Variants in IL1RAPL2 observed in about 807,000 individuals in gnomAD.
IL1RAPL2 encodes the protein interleukin 1 receptor accessory protein like 2, also known as X-linked interleukin-1 receptor accessory protein-like 2.
In IL1RAPL2, 3 loss-of-function variants were observed where a neutral mutation model predicts 44.1. That is an observed-to-expected ratio of 0.07 (90% CI 0.03 to 0.18). The LOEUF is 0.18. IL1RAPL2 is among the 10% of genes least tolerant of loss of function. The pLI is 1.00. For missense variants in IL1RAPL2, 391 were observed against 496.4 expected, an observed-to-expected ratio of 0.79 and a Z score of 2.02; for synonymous variants, 181 against 178.8, an observed-to-expected ratio of 1.01 and a Z score of -0.10.
At chrX:104,748,394 A>G (rs1178863659) in intron 2 of IL1RAPL2, among the ~76,000 whole-genome samples, 1 of 112,066 alleles carries the variant, frequency 8.9e-6, no homozygotes, top group Non-Finnish European at 1.9e-5. Flanking sequence ...TATTTGTGTG[A>G]CAATTCTAAA....
chrX:105,500,867 T>C (rs570443701), intron 6 of IL1RAPL2, among the ~76,000 whole-genome samples: 1 of 111,786 alleles, frequency 8.9e-6, no homozygotes, highest in African/African-American at 3.3e-5. Flanking sequence ...TATACACCAA[T>C]GTTGAGTTTA....
chrX:105,262,344 T>C, intron 4 of IL1RAPL2, among the ~76,000 whole-genome samples: 1 of 112,072 alleles, frequency 8.9e-6, no homozygotes, highest in South Asian at 3.7e-4. Context: ...TCTAGACTGC[T>C]ATAGAAAATT....
chrX:104,966,035 C>T (rs1024687345), intron 2 of IL1RAPL2, among the ~76,000 whole-genome samples: 3 of 111,197 alleles, frequency 2.7e-5, no homozygotes, highest in African/African-American at 9.8e-5. Context: ...AAAGACATAG[C>T]TTCAGAGTCA....
chrX:105,665,726 G>GTTTTTTTTTTTTTTTTTTT (rs745949698), intron 6 of IL1RAPL2, among the ~76,000 whole-genome samples: 1 of 75,211 alleles, frequency 1.3e-5, no homozygotes, highest in African/African-American at 5.2e-5. Context: ...TTTTATTTTT[G>GTTTTTTTTTTTTTTTTTTT]TTTTTTTGTT....
chrX:105,364,755 T>C, intron 5 of IL1RAPL2, among the ~76,000 whole-genome samples: 1 of 111,524 alleles, frequency 9.0e-6, no homozygotes, highest in Non-Finnish European at 1.9e-5. Context: ...GATTTGGTTA[T>C]ATGCAACTTT....
intron 6 of IL1RAPL2, among the ~76,000 whole-genome samples, chrX:105,538,076 G>A (rs1395553415): frequency 2.4e-5 from 2 of 84,951 alleles, no homozygotes; most frequent in Non-Finnish European, 4.2e-5. Context: ...TGGCTCTGTC[G>A]CCCAGGCTGG....
intron 10 of IL1RAPL2, 56 bp from the exon 11 acceptor site, chrX:105,766,908 C>G: frequency 1.1e-6 from 1 of 889,565 alleles, no homozygotes; most frequent in Non-Finnish European, 1.6e-6. Flanking sequence ...AAACCTGATG[C>G]TTTAGAGACT....
At chrX:105,404,543 G>C (rs935121803) in intron 5 of IL1RAPL2, among the ~76,000 whole-genome samples, 1 of 110,534 alleles carries the variant, frequency 9.0e-6, no homozygotes, top group African/African-American at 3.3e-5. Context: ...TTCCTATTCT[G>C]TTCAGGGACA....
intron 2 of IL1RAPL2, among the ~76,000 whole-genome samples, chrX:105,009,516 A>G (rs1215521440): frequency 9.9e-6 from 1 of 101,371 alleles, no homozygotes; most frequent in Non-Finnish European, 2.0e-5. Context: ...ACCAAACACC[A>G]CATGTTGTCA....
chrX:105,541,385 G>A (rs1202297924), intron 6 of IL1RAPL2, among the ~76,000 whole-genome samples: 1 of 111,090 alleles, frequency 9.0e-6, no homozygotes, highest in African/African-American at 3.3e-5. Context: ...AGAGTAAGTG[G>A]AAAAGTACAG....
chrX:104,783,537 G>A (rs1602725593), intron 2 of IL1RAPL2, among the ~76,000 whole-genome samples: 1 of 110,387 alleles, frequency 9.1e-6, no homozygotes, highest in Non-Finnish European at 1.9e-5. Flanking sequence ...CTTTTTAATT[G>A]GCAATGATCT....
intron 6 of IL1RAPL2, among the ~76,000 whole-genome samples, chrX:105,559,656 G>A (rs1007904888): frequency 8.9e-6 from 1 of 111,912 alleles, no homozygotes; most frequent in Non-Finnish European, 1.9e-5. Context: ...GAAGACACTT[G>A]AAACTATCAC....
At chrX:104,762,735 G>T (rs73243902) in intron 2 of IL1RAPL2, among the ~76,000 whole-genome samples, 125 of 112,038 alleles carry the variant, frequency 1.1e-3, no homozygotes, top group Non-Finnish European at 2.0e-3. Flanking sequence ...CCTGATTTCT[G>T]GTCAAGAAGG....
intron 1 of IL1RAPL2, among the ~76,000 whole-genome samples, chrX:104,628,590 G>C (rs1032706520): frequency 8.9e-6 from 1 of 111,870 alleles, no homozygotes; most frequent in Non-Finnish European, 1.9e-5. Context: ...GAATAAAGCT[G>C]CAATAAATAT....
chrX:105,046,749 A>G (rs1391149921), intron 2 of IL1RAPL2, among the ~76,000 whole-genome samples: 4 of 107,922 alleles, frequency 3.7e-5, no homozygotes, highest in Admixed American at 1.0e-4. Flanking sequence ...ACTAATTGCT[A>G]TTCTATTAGA....
chrX:104,877,938 C>T (rs1377755737), intron 2 of IL1RAPL2, among the ~76,000 whole-genome samples: 2 of 112,038 alleles, frequency 1.8e-5, no homozygotes, highest in African/African-American at 3.2e-5. Context: ...AAATCTAAGC[C>T]TCCACACAGT....
intron 9 of IL1RAPL2, among the ~76,000 whole-genome samples, chrX:105,750,306 C>T (rs2038585692): frequency 1.1e-5 from 1 of 87,398 alleles, no homozygotes; most frequent in African/African-American, 4.5e-5. Flanking sequence ...GACAGAGTCT[C>T]ACTGTCACCC....
At chrX:104,575,426 A>G (rs1053648132) in intron 1 of IL1RAPL2, among the ~76,000 whole-genome samples, 2 of 111,497 alleles carry the variant, frequency 1.8e-5, no homozygotes, top group East Asian at 2.8e-4. Flanking sequence ...TCCTATAAAT[A>G]TATAGAGTTA....
intron 2 of IL1RAPL2, among the ~76,000 whole-genome samples, chrX:104,738,545 G>A (rs1382360216): frequency 4.5e-5 from 5 of 112,056 alleles, no homozygotes; most frequent in Non-Finnish European, 7.5e-5. Flanking sequence ...GGTAGACAGA[G>A]GAAAAGGAGT....
Sources: allele counts gnomAD v4.1 joint callset (sites outside exome capture counted in the v4.1 genomes callset), GRCh38; gene constraint gnomAD v4.1.1; transcripts MANE v1.5; gene names NCBI Gene and HGNC (gene_info 2026-07-23, HGNC 2026-07-21).